PRKAR1A: variants seen among roughly 807,000 people sequenced by gnomAD.
PRKAR1A encodes protein kinase cAMP-dependent type I regulatory subunit alpha, also known as cAMP-dependent protein kinase type I-alpha regulatory subunit.
PRKAR1A carries 3 observed loss-of-function variants against 52.0 expected under a neutral mutation model. The observed-to-expected ratio is 0.06, with a 90% CI of 0.03 to 0.15. The LOEUF (loss-of-function observed/expected upper bound fraction) is 0.15, where lower values mean the gene tolerates loss of function less well. Among genes scored for constraint, PRKAR1A ranks in the 10% least tolerant of loss-of-function variants. The pLI is 1.00. For missense variants in PRKAR1A, 240 were observed against 477.4 expected (o/e 0.50, Z 4.63); for synonymous variants, 188 against 168.4 (o/e 1.12, Z -0.90).
rs2085961444 is a variant in PRKAR1A, at chr17:68,531,036, T to TC, written c.*589dup. ...ATATGATTGGTTCAGTTTTTTTTTT[T>TC]CCAGAGTTGTTGTTTGCCAAGCTAA... On this transcript the variant is annotated 3_prime_UTR_variant, in exon 11 of 11. Coordinates refer to ENST00000589228, the MANE Select transcript of PRKAR1A (RefSeq NM_002734.5). The TC allele has an allele frequency of 9.4e-7, 1 of 1,069,210 alleles. No homozygotes were observed. The highest frequency in any genetic ancestry group is 1.6e-5 in the African/African-American group (1 of 61,194). 66.2% of individuals were successfully genotyped at this position (1,069,210 alleles called of 1,614,324 possible).
chr17:68,465,541 G>C, the PRKAR1A span, among the ~76,000 whole-genome samples: 2 of 151,350 alleles, frequency 1.3e-5, no homozygotes, highest in East Asian at 3.9e-4. Flanking sequence ...TGCAACCTCC[G>C]CCTCCGGGGT....
At chr17:68,481,686 C>T in the PRKAR1A span, among the ~76,000 whole-genome samples, 2 of 152,182 alleles carry the variant, frequency 1.3e-5, no homozygotes, top group Non-Finnish European at 2.9e-5. Flanking sequence ...TCATAGTCTT[C>T]CATCTTTCTG....
the PRKAR1A span, chr17:68,421,030 C>T: frequency 2.8e-3 from 440 of 155,584 alleles, 1 homozygote; most frequent in African/African-American, 0.01. Context: ...ATCCGGATTC[C>T]GTCTCAGTAG....
At chr17:68,471,105 C>T in the PRKAR1A span, among the ~76,000 whole-genome samples, 16 of 151,790 alleles carry the variant, frequency 1.1e-4, no homozygotes, top group Non-Finnish European at 1.5e-4. Context: ...CATTTTTTCC[C>T]CCAGATTTGA....
the PRKAR1A span, among the ~76,000 whole-genome samples, chr17:68,501,450 T>A: frequency 6.6e-6 from 1 of 152,168 alleles, no homozygotes; most frequent in Admixed American, 6.5e-5. Flanking sequence ...TTCAAAACCC[T>A]CAGCATTCTC....
the PRKAR1A span, among the ~76,000 whole-genome samples, chr17:68,429,247 A>G: frequency 2.0e-5 from 3 of 152,196 alleles, no homozygotes; most frequent in African/African-American, 7.2e-5. Context: ...TCCCTCTGAC[A>G]TGTGTCTCTG....
intron 1 of PRKAR1A, among the ~76,000 whole-genome samples, chr17:68,514,318 A>G (rs1484330943): frequency 6.6e-6 from 1 of 152,236 alleles, no homozygotes. Flanking sequence ...ACAATGCATT[A>G]TAATTGGAAA....
rs1034298879 is a variant in PRKAR1A at position 68,515,161 on chromosome 17, C to G, written c.-6-233C>G. The G allele has an allele frequency of 5.6e-6, 3 of 534,838 alleles. No homozygotes were observed. The African/African-American group carries it at 5.7e-5, about 10-fold the overall frequency. 33.1% of individuals were successfully genotyped at this position (534,838 alleles called of 1,614,324 possible). ...TCCTCCCAGGAGCTGAGGTTATCGA[C>G]TCTCACTGTTGCCTACAGAGCACAG... On this transcript the variant is annotated intron_variant, in intron 1 of 10. Coordinates refer to ENST00000589228, the MANE Select transcript of PRKAR1A (RefSeq NM_002734.5).
At chr17:68,483,494 A>G in the PRKAR1A span, among the ~76,000 whole-genome samples, 1 of 152,202 alleles carries the variant, frequency 6.6e-6, no homozygotes, top group South Asian at 2.1e-4. Flanking sequence ...ACAAAACAAA[A>G]CAAAAAAAGC....
the PRKAR1A span, among the ~76,000 whole-genome samples, chr17:68,424,828 G>A: frequency 1.5e-4 from 23 of 151,798 alleles, no homozygotes; most frequent in Middle Eastern, 3.2e-3. Flanking sequence ...AGCGAGCCGA[G>A]ATCACACCAC....
At chr17:68,473,811 G>A in the PRKAR1A span, among the ~76,000 whole-genome samples, 3 of 152,238 alleles carry the variant, frequency 2.0e-5, no homozygotes, top group African/African-American at 7.2e-5. Context: ...GTGAACCACC[G>A]CATCTGGCCA....
chr17:68,535,939 G>C (rs1392245887), downstream of PRKAR1A: 3 of 454,006 alleles, frequency 6.6e-6, no homozygotes, highest in African/African-American at 2.0e-5. Context: ...TACTCTCTCT[G>C]AGATTTAAAG....
At chr17:68,456,976 C>T in the PRKAR1A span, among the ~76,000 whole-genome samples, 1 of 152,196 alleles carries the variant, frequency 6.6e-6, no homozygotes, top group Non-Finnish European at 1.5e-5. Flanking sequence ...TTTCTCATCT[C>T]TTTCTTTTGG....
At chr17:68,518,127 C>G (rs183517970) in intron 2 of PRKAR1A, among the ~76,000 whole-genome samples, 1 of 152,250 alleles carries the variant, frequency 6.6e-6, no homozygotes, top group African/African-American at 2.4e-5. Flanking sequence ...GTACAGCCCC[C>G]CTCCTGGCTG....
At chr17:68,541,887 G>T in intron 11 of PRKAR1A, 2 of 1,425,966 alleles carry the variant, frequency 1.4e-6, no homozygotes, top group Non-Finnish European at 1.9e-6. Context: ...TATTGAGGCA[G>T]CTTTTCAGAT....
the PRKAR1A span, among the ~76,000 whole-genome samples, chr17:68,492,185 A>G: frequency 6.6e-6 from 1 of 152,254 alleles, no homozygotes; most frequent in East Asian, 1.9e-4. Flanking sequence ...CCGATGGTTC[A>G]TTCGGCAGGT....
rs1342551731 is a variant in PRKAR1A, at chr17:68,530,842, A to T, written c.*393A>T. The stretch of plus-strand genomic sequence containing the variant: ...ATTGTCCAGTTATAAGCGTATTTAG[A>T]CTGTGGCCATATATGCTGTATTTCT... On this transcript the variant is annotated 3_prime_UTR_variant, in exon 11 of 11. Transcript: ENST00000589228. 1.7e-5 allele frequency: 20 copies of T among 1,207,140 alleles called. No individual in the cohort carries two copies. The highest frequency in any genetic ancestry group is 2.1e-5 in the Non-Finnish European group (20 of 961,414). 74.8% of individuals were successfully genotyped at this position (1,207,140 alleles called of 1,614,324 possible). A position where few individuals can be genotyped will look rare whatever the true frequency, so the allele number is the denominator to read the frequency against.
chr17:68,465,184 G>A, the PRKAR1A span, among the ~76,000 whole-genome samples: 1,530 of 151,820 alleles, frequency 0.01, 25 homozygotes, highest in African/African-American at 0.034. Flanking sequence ...TGCCCGCCTC[G>A]GCCTTCCAAA....
At chr17:68,484,144 T>C in the PRKAR1A span, among the ~76,000 whole-genome samples, 3 of 152,180 alleles carry the variant, frequency 2.0e-5, no homozygotes, top group African/African-American at 7.2e-5. Flanking sequence ...TTTATTGGGA[T>C]TGCCCTGAAA....
Sources: gnomAD v4.1 joint callset for allele counts (sites outside exome capture counted in the v4.1 genomes callset) on GRCh38, gnomAD v4.1.1 for gene constraint, MANE v1.5 for transcripts, NCBI Gene and HGNC (gene_info 2026-07-23, HGNC 2026-07-21) for gene names.